The following ARHGEF28 variants were observed in gnomAD, a reference collection of about 807,000 sequenced individuals.
ARHGEF28 encodes Rho guanine nucleotide exchange factor 28.
A neutral mutation model predicts 206.6 loss-of-function variants in ARHGEF28; 152 were observed. The observed-to-expected ratio is 0.74, with a 90% confidence interval of 0.64 to 0.84. ARHGEF28 has a LOEUF of 0.84. Ranked by LOEUF, ARHGEF28 falls within the 40% of genes least tolerant of loss-of-function variation. The pLI, the probability that ARHGEF28 is intolerant of heterozygous loss-of-function variation, is 0.00. For synonymous variants in ARHGEF28, 763 were observed against 776.4 expected (o/e 0.98, Z 0.29); for missense variants, 2,028 against 2,073.2 (o/e 0.98, Z 0.42).
chr5:73,940,363 G>A (rs1742525767), intron 35 of ARHGEF28, among the ~76,000 whole-genome samples: 1 of 152,056 alleles, frequency 6.6e-6, no homozygotes, highest in Admixed American at 6.5e-5. Flanking sequence ...GAGGCTGGAG[G>A]GTCTCCTTCA....
At chr5:73,667,772 A>C (rs1310905228) in intron 1 of ARHGEF28, among the ~76,000 whole-genome samples, 1 of 152,226 alleles carries the variant, frequency 6.6e-6, no homozygotes, top group Non-Finnish European at 1.5e-5. Flanking sequence ...CCAAAGGAAT[A>C]TTATGCTGCT....
chr5:73,697,377 T>C (rs201501583), intron 2 of ARHGEF28, among the ~76,000 whole-genome samples: 1 of 152,220 alleles, frequency 6.6e-6, no homozygotes, highest in Non-Finnish European at 1.5e-5. Flanking sequence ...CCATTACTTA[T>C]AATAGAATAC....
chr5:73,635,173 G>A (rs529213285), intron 1 of ARHGEF28, among the ~76,000 whole-genome samples: 3 of 152,198 alleles, frequency 2.0e-5, no homozygotes, highest in Middle Eastern at 3.4e-3. Flanking sequence ...GATAAACCCC[G>A]TCTCTACTAA....
Position 73,855,713 on chromosome 5 carries a change from C to T in ARHGEF28, c.1791-1943C>T, listed in dbSNP as rs369419963. On this transcript the variant is annotated intron_variant, in intron 14 of 35. Transcript: ENST00000513042. ...CGCCATTGCACTCCAGCCTAGGCAA[C>T]GAGAGCAAAACTCCATCTCAAAAAA... Among the ~76,000 whole-genome samples the T allele has an allele frequency of 7.7e-4, 114 of 148,324 alleles. 2 individuals are homozygous for T. The highest frequency in any genetic ancestry group is 2.6e-3 in the African/African-American group (105 of 40,078).
chr5:73,831,240 T>C (rs1163204949), intron 9 of ARHGEF28, among the ~76,000 whole-genome samples: 1 of 152,210 alleles, frequency 6.6e-6, no homozygotes, highest in Non-Finnish European at 1.5e-5. Flanking sequence ...GAAAGCATAA[T>C]AGTAATCTGC....
chr5:73,726,351 T>A (rs183626866), intron 2 of ARHGEF28, among the ~76,000 whole-genome samples: 137 of 152,348 alleles, frequency 9.0e-4, no homozygotes, highest in Middle Eastern at 3.4e-3. Context: ...CTGTCTTGTT[T>A]ACTGACATGT....
At chr5:73,773,185 G>A (rs965501279) in intron 4 of ARHGEF28, among the ~76,000 whole-genome samples, 3 of 152,164 alleles carry the variant, frequency 2.0e-5, no homozygotes, top group African/African-American at 7.2e-5. Flanking sequence ...AACAGAGAGC[G>A]GCAAACACCA....
intron 2 of ARHGEF28, among the ~76,000 whole-genome samples, chr5:73,734,044 C>A (rs1007735636): frequency 6.6e-6 from 1 of 152,146 alleles, no homozygotes; most frequent in Admixed American, 6.6e-5. Context: ...GGTGCTAAAC[C>A]ATTCATGAAG....
chr5:73,901,111 A>G lies in ARHGEF28; in HGVS notation c.3974-73A>G, dbSNP rs1346167770. ...ATTTTGAAATATGTGTTGGCCGTGT[A>G]CAGAAGAACCCGGTGGGCTGGCCGA... On this transcript the variant is annotated intron_variant, in intron 30 of 35. Coordinates refer to ENST00000513042, the MANE Select transcript of ARHGEF28 (RefSeq NM_001177693.2). 2.1e-5 allele frequency: 25 copies of G among 1,215,228 alleles called. No homozygotes were observed. The African/African-American group carries it at 3.1e-4, about 15-fold the overall frequency. 75.3% of individuals were successfully genotyped at this position (1,215,228 alleles called of 1,614,324 possible).
intron 2 of ARHGEF28, among the ~76,000 whole-genome samples, chr5:73,743,051 A>G (rs1751532972): frequency 6.6e-6 from 1 of 152,086 alleles, no homozygotes; most frequent in African/African-American, 2.4e-5. Flanking sequence ...ATTTAATTAT[A>G]TTTATTCACA....
In ARHGEF28 at chr5:73,832,376, T is replaced by C; in HGVS notation, c.1063T>C (p.Ser355Pro). The C allele has an allele frequency of 2.5e-6, 4 of 1,612,780 alleles. No individual in the cohort carries two copies. Among genetic ancestry groups the C allele is most frequent in the Middle Eastern group, 1.7e-4 (1 of 6,060 alleles). ...FDILKKSKPP[S>P]TLLAAGRLSD... The stretch of plus-strand genomic sequence containing the variant: ...TATCCTAAAAAAATCCAAGCCGCCC[T>C]CGACATTGCTTGCTGCAGGCCGGCT... Residue 355 changes from serine to proline, a missense_variant, in exon 10 of 36, where the codon TCG becomes CCG. Physicochemically the swap from Ser to Pro is moderately conservative, Grantham distance 74. Coordinates refer to ENST00000513042, the MANE Select transcript of ARHGEF28 (RefSeq NM_001177693.2).
chr5:73,836,082 C>T (rs1030801183), intron 10 of ARHGEF28, among the ~76,000 whole-genome samples: 1 of 152,166 alleles, frequency 6.6e-6, no homozygotes, highest in Non-Finnish European at 1.5e-5. Context: ...CATCTCTTGG[C>T]TACTGTGAAT....
At chr5:73,848,839 C>T (rs185657185) in intron 12 of ARHGEF28, 137 bp from the exon 13 acceptor site, 3 of 656,862 alleles carry the variant, frequency 4.6e-6, no homozygotes, top group Non-Finnish European at 7.7e-6. Flanking sequence ...AAAACAGAAA[C>T]ACATAATGAG....
chr5:73,723,916 G>A (rs1157964241), intron 2 of ARHGEF28, among the ~76,000 whole-genome samples: 1 of 152,164 alleles, frequency 6.6e-6, no homozygotes, highest in Non-Finnish European at 1.5e-5. Context: ...AGTAGATTCT[G>A]GGGTTTGCAT....
chr5:73,762,992 G>A (rs1178312438), intron 4 of ARHGEF28, among the ~76,000 whole-genome samples: 1 of 152,208 alleles, frequency 6.6e-6, no homozygotes, highest in Non-Finnish European at 1.5e-5. Context: ...CATATAAAGT[G>A]CTGAATAAAG....
intron 24 of ARHGEF28, among the ~76,000 whole-genome samples, chr5:73,884,521 A>G (rs967996571): frequency 1.3e-5 from 2 of 152,202 alleles, no homozygotes; most frequent in Non-Finnish European, 2.9e-5. Context: ...AATAAATAAA[A>G]TGGTCTAATC....
At chr5:73,864,901 A>G in intron 17 of ARHGEF28, 29 bp downstream of exon 17, 1 of 1,602,164 alleles carries the variant, frequency 6.2e-7, no homozygotes, top group Non-Finnish European at 8.5e-7. Flanking sequence ...GTGAATATAT[A>G]TGTGGCATGG....
intron 7 of ARHGEF28, among the ~76,000 whole-genome samples, chr5:73,788,522 A>G (rs1754289861): frequency 6.6e-6 from 1 of 152,290 alleles, no homozygotes; most frequent in Middle Eastern, 3.4e-3. Context: ...ATTATATACT[A>G]TATTCGTATA....
chr5:73,780,509 G>C (rs1034804212), intron 6 of ARHGEF28, 167 bp from the exon 7 acceptor site: 11 of 636,694 alleles, frequency 1.7e-5, no homozygotes, highest in Non-Finnish European at 2.7e-5. Flanking sequence ...TCGCCCTCCT[G>C]CTGGGGTGCT....
Sources: allele counts gnomAD v4.1 joint callset (sites outside exome capture counted in the v4.1 genomes callset), GRCh38; gene constraint gnomAD v4.1.1; transcripts MANE v1.5; gene names NCBI Gene and HGNC (gene_info 2026-07-23, HGNC 2026-07-21).